Variants in ABCA9 observed in about 807,000 individuals in gnomAD.
The protein encoded by ABCA9 is ATP binding cassette subfamily A member 9, also known as ATP-binding cassette sub-family A member 9.
In ABCA9, 183 loss-of-function variants were observed where a neutral mutation model predicts 205.3. That is an observed-to-expected ratio of 0.89 (90% CI 0.79 to 1.01). The LOEUF is 1.01. Among genes scored for constraint, ABCA9 ranks in the 50% least tolerant of loss-of-function variants. The pLI is 0.00. For missense variants in ABCA9, 1,805 were observed against 1,912.4 expected, an observed-to-expected ratio of 0.94 and a Z score of 1.05; for synonymous variants, 651 against 683.3, an observed-to-expected ratio of 0.95 and a Z score of 0.74.
chr17:69,048,926 C>T (rs943016463), intron 3 of ABCA9, among the ~76,000 whole-genome samples: 6 of 152,094 alleles, frequency 3.9e-5, no homozygotes, highest in Non-Finnish European at 7.4e-5. Context: ...AAATATTGCC[C>T]ATGGGTTTTC....
At position 69,026,373 on chromosome 17, in the gene ABCA9, G is replaced by A. The variant is rs1379172560; in HGVS notation, c.2141+4C>T. The A allele has an allele frequency of 6.2e-7, 1 of 1,611,278 alleles. No individual in the cohort carries two copies. The highest frequency in any genetic ancestry group is 1.1e-5 in the South Asian group (1 of 90,864). On this transcript the variant is annotated splice_donor_region_variant and intron_variant, in intron 16 of 38. Coordinates refer to ENST00000340001, the MANE Select transcript of ABCA9 (RefSeq NM_080283.4). ...CAACACGTCTCCAACATTCAGGGCTGTACCTTAAATGGTAGCCTATGCCCC... is the reference window on the plus strand; with the variant it reads ...CAACACGTCTCCAACATTCAGGGCTATACCTTAAATGGTAGCCTATGCCCC...
chr17:68,982,847 A>T (rs1054098423), intron 36 of ABCA9, among the ~76,000 whole-genome samples: 3 of 152,060 alleles, frequency 2.0e-5, no homozygotes, highest in African/African-American at 7.2e-5. Context: ...TCCACAAAAA[A>T]ACTTAAAAAT....
At chr17:69,065,869 G>C (rs1298790942), upstream of ABCA9, among the ~76,000 whole-genome samples, 1 of 152,088 alleles carries the variant, frequency 6.6e-6, no homozygotes. Flanking sequence ...TCTTGTGATA[G>C]AGAGTGAGTT....
At chr17:69,048,413 G>A (rs890379165) in intron 3 of ABCA9, among the ~76,000 whole-genome samples, 3 of 132,996 alleles carry the variant, frequency 2.3e-5, no homozygotes, top group East Asian at 3.3e-4. Flanking sequence ...ATAACTTGAC[G>A]AAAGCATGGA....
intron 31 of ABCA9, among the ~76,000 whole-genome samples, chr17:68,988,271 T>C (rs1321723197): frequency 2.6e-5 from 4 of 152,224 alleles, no homozygotes; most frequent in Non-Finnish European, 4.4e-5. Flanking sequence ...TACCCAAACT[T>C]GGCCTAGACA....
At chr17:69,044,054 A>G (rs546814757) in intron 5 of ABCA9, among the ~76,000 whole-genome samples, 14 of 152,086 alleles carry the variant, frequency 9.2e-5, no homozygotes, top group Non-Finnish European at 1.6e-4. Flanking sequence ...AGAATCAGGC[A>G]TGGTGGCATG....
At chr17:68,998,890 A>G (rs2144093087) in intron 25 of ABCA9, among the ~76,000 whole-genome samples, 1 of 151,802 alleles carries the variant, frequency 6.6e-6, no homozygotes, top group Admixed American at 6.6e-5. Flanking sequence ...TGTCTTATTA[A>G]ATGTGTATTC....
intron 15 of ABCA9, 76 bp from the exon 16 acceptor site, chr17:69,026,543 A>C (rs2070993515): frequency 7.9e-6 from 10 of 1,273,070 alleles, no homozygotes; most frequent in Non-Finnish European, 1.0e-5. Context: ...AAATCTATTA[A>C]CAATGTATTG....
At position 69,020,337 on chromosome 17, in the gene ABCA9, A is replaced by G; in HGVS notation, c.2600+51T>C. The G allele has an allele frequency of 2.6e-6, 4 of 1,519,604 alleles. No individual in the cohort carries two copies. In the South Asian group the frequency reaches 3.8e-5, roughly 14 times the overall value. The allele number at this position is 1,519,604 out of a possible 1,614,324, so 94.1% of individuals were successfully genotyped here. On this transcript the variant is annotated intron_variant, in intron 19 of 38. Transcript: ENST00000340001. ...TTTCTTTTATGTTTTGCTCTCTTAA[A>G]TTTATTTTTAGTTCACAGACAAAAC...
Position 68,979,161 on chromosome 17 carries a change from C to T in ABCA9, c.4721-2971G>A, listed in dbSNP as rs544040777. 4.0e-3 allele frequency among the ~76,000 whole-genome samples: 602 copies of T among 152,278 alleles called. 4 individuals are homozygous for T. The highest frequency in any genetic ancestry group is 6.8e-3 in the Non-Finnish European group (460 of 68,026). ...ACCAATAACAGACAAACAGCCAAAT[C>T]ATGAGTGAACTCCCATTCACAATTG... On this transcript the variant is annotated intron_variant, in intron 37 of 38. Transcript: ENST00000340001.
At chr17:69,015,261 T>C (rs1207072875) in intron 22 of ABCA9, among the ~76,000 whole-genome samples, 1 of 152,168 alleles carries the variant, frequency 6.6e-6, no homozygotes, top group East Asian at 1.9e-4. Flanking sequence ...AAAGTTTAAA[T>C]TGAATAGAAA....
rs1329094837 is a variant in ABCA9 at position 69,035,776 on chromosome 17, C to T, written c.826G>A (p.Gly276Ser). The T allele has an allele frequency of 3.7e-6, 6 of 1,612,842 alleles. No homozygotes were observed. Among genetic ancestry groups the T allele is most frequent in the African/African-American group, 1.3e-5 (1 of 74,864 alleles). ...FWLSWGLMYA[G>S]FILIMATLMA... ...AAAGTGGCCATGATAAGGATGAAGC[C>T]AGCATACATCAAACCCCAGGAAAGC... Residue 276 changes from glycine to serine, a missense_variant, in exon 7 of 39, where the codon GGC (glycine) becomes AGC (serine). Transcript: ENST00000340001.
rs908165108 is a variant in ABCA9 at position 69,028,484 on chromosome 17, C to T, written c.1615+51G>A. On this transcript the variant is annotated intron_variant, in intron 12 of 38. Coordinates refer to ENST00000340001, the MANE Select transcript of ABCA9 (RefSeq NM_080283.4). Reference sequence around the variant, plus strand: ...CCAGCCCCAGTTAAATAATTAAATGCATATTAATGTGTTTGTCCAGGTACT... The same window carrying T: ...CCAGCCCCAGTTAAATAATTAAATGTATATTAATGTGTTTGTCCAGGTACT... The T allele has an allele frequency of 4.0e-6, 5 of 1,264,394 alleles. No individual in the cohort carries two copies. The Admixed American group carries it at 6.0e-5, about 15-fold the overall frequency. The allele number at this position is 1,264,394 out of a possible 1,614,324, so 78.3% of individuals were successfully genotyped here.
chr17:68,996,082 G>A (rs781429410), intron 25 of ABCA9, 68 bp from the exon 26 acceptor site: 15 of 1,512,500 alleles, frequency 9.9e-6, no homozygotes, highest in Non-Finnish European at 1.3e-5. Context: ...TTTTCTAAGA[G>A]GGTGGGAATT....
At chr17:69,063,852 G>A (rs1248901877), upstream of ABCA9, among the ~76,000 whole-genome samples, 1 of 152,192 alleles carries the variant, frequency 6.6e-6, no homozygotes, top group Non-Finnish European at 1.5e-5. Flanking sequence ...GATTACAGGC[G>A]TGAGCCACCG....
chr17:68,981,430 TA>T (rs2069049170), intron 37 of ABCA9, among the ~76,000 whole-genome samples: 2 of 152,010 alleles, frequency 1.3e-5, no homozygotes, highest in African/African-American at 4.8e-5. Flanking sequence ...TAATCCATTA[TA>T]AAATACTTCC....
At position 69,014,635 on chromosome 17, in the gene ABCA9, G is replaced by GA. The variant is rs555986272; in HGVS notation, c.3039+1617dup. 9.2e-5 allele frequency among the ~76,000 whole-genome samples: 14 copies of GA among 152,134 alleles called. No individual in the cohort carries two copies. In the East Asian group the frequency reaches 2.5e-3, roughly 27 times the overall value. ...AAGCAGGACTGCTGAAACGTGGCTT[G>GA]AAAAAAACAATGGTATGATGTGCTT... On this transcript the variant is annotated intron_variant, in intron 22 of 38. Coordinates refer to ENST00000340001, the MANE Select transcript of ABCA9 (RefSeq NM_080283.4).
At chr17:69,069,335 G>A in the ABCA9 span, among the ~76,000 whole-genome samples, 1 of 152,222 alleles carries the variant, frequency 6.6e-6, no homozygotes, top group Non-Finnish European at 1.5e-5. Flanking sequence ...GCTGGAGGTT[G>A]AGTGTGGCCT....
At chr17:69,032,656 G>C (rs955300442) in intron 9 of ABCA9, 2 of 161,040 alleles carry the variant, frequency 1.2e-5, no homozygotes, top group Non-Finnish European at 2.7e-5. Flanking sequence ...CTGCAGTCCA[G>C]TAGCATGATC....
Sources: gnomAD v4.1 joint callset for allele counts (sites outside exome capture counted in the v4.1 genomes callset) on GRCh38, gnomAD v4.1.1 for gene constraint, MANE v1.5 for transcripts, NCBI Gene and HGNC (gene_info 2026-07-23, HGNC 2026-07-21) for gene names.